PRKAR1B: variants seen among roughly 807,000 people sequenced by gnomAD.
The protein encoded by PRKAR1B is cAMP-dependent protein kinase type I-beta regulatory subunit.
A neutral mutation model predicts 46.5 loss-of-function variants in PRKAR1B; 22 were observed. That is an observed-to-expected ratio of 0.47 (90% confidence interval 0.34 to 0.68). PRKAR1B has a LOEUF of 0.68. Ranked by LOEUF, PRKAR1B falls within the 30% of genes least tolerant of loss-of-function variation. The pLI, the probability that PRKAR1B is intolerant of heterozygous loss-of-function variation, is 0.01. For synonymous variants in PRKAR1B, 259 were observed against 217.7 expected (o/e 1.19, Z -1.67); for missense variants, 445 against 535.6 (o/e 0.83, Z 1.67).
intron 4 of PRKAR1B, among the ~76,000 whole-genome samples, chr7:636,904 T>G (rs1583336731): frequency 6.6e-6 from 1 of 150,740 alleles, no homozygotes; most frequent in Non-Finnish European, 1.5e-5. Flanking sequence ...CCACGGCGAG[T>G]GGGAAAGAAC....
At position 669,867 on chromosome 7, in the gene PRKAR1B, A is replaced by ATTTTTTTTTTT. The variant is rs570284003; in HGVS notation, c.440+7351_440+7361dup. Among the ~76,000 whole-genome samples the ATTTTTTTTTTT allele has an allele frequency of 5.9e-3, 778 of 131,246 alleles. 24 individuals are homozygous for ATTTTTTTTTTT. The highest frequency in any genetic ancestry group is 0.052 in the East Asian group (229 of 4,368). The allele number at this position is 131,246 out of a possible 152,430, so 86.1% of individuals were successfully genotyped here. A position where few individuals can be genotyped will look rare whatever the true frequency, so the allele number is the denominator to read the frequency against. ...GCTGGTGGGCAGGTCCACGTGCCAT[A>ATTTTTTTTTTT]TTTTTTTTTTTTTTTTGAGACGGAG... On this transcript the variant is annotated intron_variant, in intron 4 of 10. Transcript: ENST00000537384.
intron 4 of PRKAR1B, among the ~76,000 whole-genome samples, chr7:659,601 ACCAGC>A (rs924492156): frequency 1.3e-5 from 2 of 152,130 alleles, no homozygotes; most frequent in Admixed American, 6.5e-5. Context: ...GGCTGCAAAA[ACCAGC>A]CCAGGGAGGA....
At chr7:658,892 C>T (rs1785350383) in intron 4 of PRKAR1B, among the ~76,000 whole-genome samples, 1 of 152,116 alleles carries the variant, frequency 6.6e-6, no homozygotes, top group African/African-American at 2.4e-5. Flanking sequence ...CTCAAGTGAT[C>T]CACCCACCTC....
Position 714,877 on chromosome 7 carries a change from C to A in PRKAR1B, c.-22-3350G>T, listed in dbSNP as rs1222805549. Among the ~76,000 whole-genome samples, 2 of 152,186 alleles carry A rather than the reference C, an allele frequency of 1.3e-5. No homozygotes were observed. The highest frequency in any genetic ancestry group is 1.3e-4 in the Admixed American group (2 of 15,282). ...AGGCCCTTCCCGTATCTGGACTTCCCAATTATGTTCATCAATAAATACCTT... is the reference window on the plus strand; with the variant it reads ...AGGCCCTTCCCGTATCTGGACTTCCAAATTATGTTCATCAATAAATACCTT... On this transcript the variant is annotated intron_variant, in intron 1 of 10. Transcript: ENST00000537384. This position sits in a 1 kb window ranked among gnomAD's most constrained non-coding sequence, Gnocchi z 4.3.
chr7:621,250 A>G (rs1783094942), intron 4 of PRKAR1B, among the ~76,000 whole-genome samples: 1 of 152,232 alleles, frequency 6.6e-6, no homozygotes, highest in Non-Finnish European at 1.5e-5. Flanking sequence ...AAACCATCAG[A>G]AAGAACCCTT....
intron 6 of PRKAR1B, among the ~76,000 whole-genome samples, chr7:596,947 G>A (rs974747696): frequency 6.6e-6 from 1 of 152,274 alleles, no homozygotes; most frequent in Non-Finnish European, 1.5e-5. Flanking sequence ...CGCTGCGGCC[G>A]AGCTGCGCCT....
chr7:675,258 C>T (rs1239277856), intron 4 of PRKAR1B, among the ~76,000 whole-genome samples: 1 of 152,228 alleles, frequency 6.6e-6, no homozygotes, highest in African/African-American at 2.4e-5. Flanking sequence ...CTAGACCCAT[C>T]ACCCCATCAC....
At chr7:720,819 A>G (rs1433983698) in intron 1 of PRKAR1B, among the ~76,000 whole-genome samples, 3 of 152,164 alleles carry the variant, frequency 2.0e-5, no homozygotes, top group Non-Finnish European at 2.9e-5. Flanking sequence ...TTTTACTTTC[A>G]ATGTGCCTAT....
At chr7:671,758 C>A (rs1786269193) in intron 4 of PRKAR1B, among the ~76,000 whole-genome samples, 1 of 152,172 alleles carries the variant, frequency 6.6e-6, no homozygotes, top group African/African-American at 2.4e-5. Context: ...CCCAGCACCC[C>A]CACAGGCAGC....
intron 8 of PRKAR1B, among the ~76,000 whole-genome samples, chr7:580,531 G>A (rs1465240817): frequency 1.3e-5 from 2 of 152,190 alleles, no homozygotes; most frequent in Non-Finnish European, 2.9e-5. Context: ...TTAAGGCACA[G>A]TATACGTTCT....
At chr7:628,948 C>T (rs1408728185) in intron 4 of PRKAR1B, among the ~76,000 whole-genome samples, 1 of 152,184 alleles carries the variant, frequency 6.6e-6, no homozygotes, top group Non-Finnish European at 1.5e-5. Flanking sequence ...GGCGGGCACT[C>T]GTGTTCTGAC....
intron 2 of PRKAR1B, among the ~76,000 whole-genome samples, chr7:685,369 T>TACATACATATATATATATATACACAC (rs1469213474): frequency 3.7e-5 from 1 of 27,198 alleles, no homozygotes; most frequent in Admixed American, 5.5e-4. Context: ...TATATACACA[T>TACATACATATATATATATATACACAC]ATATATATAT....
chr7:647,104 G>A (rs1784655539), intron 4 of PRKAR1B, among the ~76,000 whole-genome samples: 1 of 152,236 alleles, frequency 6.6e-6, no homozygotes, highest in Admixed American at 6.5e-5. Context: ...CCGACCACCT[G>A]TCCCCTCTCT....
intron 1 of PRKAR1B, among the ~76,000 whole-genome samples, chr7:718,697 C>T (rs903429498): frequency 3.3e-5 from 5 of 151,952 alleles, no homozygotes; most frequent in African/African-American, 1.2e-4. Flanking sequence ...TTCATTATCC[C>T]TTCAAATACC....
chr7:603,618 T>G (rs370273787), intron 6 of PRKAR1B, among the ~76,000 whole-genome samples: 443 of 81,288 alleles, frequency 5.4e-3, no homozygotes, highest in South Asian at 0.01. Flanking sequence ...AGAGTGGAGG[T>G]GATGGGGGAG....
intron 9 of PRKAR1B, among the ~76,000 whole-genome samples, chr7:578,500 T>C (rs1331117364): frequency 6.6e-6 from 1 of 152,146 alleles, no homozygotes; most frequent in African/African-American, 2.4e-5. Context: ...TTAGAAATAA[T>C]ATAGAGAGAT....
At chr7:579,780 C>T (rs1780072789) in intron 8 of PRKAR1B, among the ~76,000 whole-genome samples, 1 of 152,230 alleles carries the variant, frequency 6.6e-6, no homozygotes, top group Admixed American at 6.5e-5. Context: ...CAGCTAAGCA[C>T]AAAGCCTACT....
rs1562611130 is a variant in PRKAR1B at position 680,597 on chromosome 7, C to T, written c.307G>A (p.Glu103Lys). Residue 103 changes from glutamate to lysine, a missense_variant, in exon 3 of 11, where the codon GAG (glutamate) becomes AAG (lysine). Transcript: ENST00000537384. Reference sequence around the variant, plus strand: ...ACGGCGTCCTCCTCGGTGTACACCTCGGCACTCACGCCTCCTCGCCGGCGG... The same window carrying T: ...ACGGCGTCCTCCTCGGTGTACACCTTGGCACTCACGCCTCCTCGCCGGCGG... ...ARRRRGGVSA[E>K]VYTEEDAVSY... is the part of the protein sequence containing the mutation. 1.2e-6 allele frequency: 2 copies of T among 1,610,584 alleles called. No individual in the cohort carries two copies. Among genetic ancestry groups the T allele is most frequent in the Non-Finnish European group, 8.5e-7 (1 of 1,178,438 alleles).
At chr7:574,964 GGA>G (rs1462713035) in intron 9 of PRKAR1B, among the ~76,000 whole-genome samples, 10 of 152,336 alleles carry the variant, frequency 6.6e-5, no homozygotes, top group African/African-American at 2.4e-4. Flanking sequence ...GGAGCGGCCG[GGA>G]GAGCCACCGC....
Sources: gnomAD v4.1 joint callset for allele counts (sites outside exome capture counted in the v4.1 genomes callset) on GRCh38, gnomAD v4.1.1 for gene constraint, Gnocchi (gnomAD v3.1) non-coding constraint, MANE v1.5 for transcripts, NCBI Gene and HGNC (gene_info 2026-07-23, HGNC 2026-07-21) for gene names.